The following LTAP1 variants were observed in gnomAD, a reference collection of about 807,000 sequenced individuals.
The protein encoded by LTAP1 is lipid transport auxiliary protein 1, also known as HCV NS5A-transactivated protein 4.
chr1:154,217,893 C>A, the LTAP1 span, among the ~76,000 whole-genome samples: 2 of 152,070 alleles, frequency 1.3e-5, no homozygotes, highest in Non-Finnish European at 2.9e-5. Flanking sequence ...TATTTATCTT[C>A]AGTTTTTCAT....
chr1:154,217,111 T>C, the LTAP1 span, among the ~76,000 whole-genome samples: 3 of 151,644 alleles, frequency 2.0e-5, no homozygotes, highest in Non-Finnish European at 4.4e-5. Context: ...CACGCCCAGC[T>C]AATTTTTTTG....
At chr1:154,213,288 C>G in the LTAP1 span, 6 of 152,628 alleles carry the variant, frequency 3.9e-5, no homozygotes, top group African/African-American at 1.4e-4. Context: ...GCCTGGGCAA[C>G]AGAGCAAGAC....
chr1:154,212,263 G>C, the LTAP1 span: 1 of 1,570,858 alleles, frequency 6.4e-7, no homozygotes, highest in Non-Finnish European at 8.8e-7. Context: ...CTGCACTGTG[G>C]CAACAGTCCA....
At chr1:154,219,718 G>T in the LTAP1 span, 1 of 786,714 alleles carries the variant, frequency 1.3e-6, no homozygotes, top group Non-Finnish European at 2.0e-6. Flanking sequence ...GTAAGTACAA[G>T]GACAAGTGCA....
At chr1:154,207,563 T>C in the LTAP1 span, 6 of 1,614,034 alleles carry the variant, frequency 3.7e-6, no homozygotes, top group South Asian at 3.3e-5. Flanking sequence ...ACCTGGATGG[T>C]TGTTGGGGAG....
the LTAP1 span, among the ~76,000 whole-genome samples, chr1:154,211,148 G>C: frequency 6.7e-6 from 1 of 148,526 alleles, no homozygotes; most frequent in Non-Finnish European, 1.5e-5. Flanking sequence ...GGTATTACAG[G>C]AGCCCGCCAG....
At chr1:154,214,930 C>T in the LTAP1 span, among the ~76,000 whole-genome samples, 6 of 151,722 alleles carry the variant, frequency 4.0e-5, no homozygotes, top group Admixed American at 1.3e-4. Flanking sequence ...CTGCAACCTC[C>T]GCCTCCCAGG....
the LTAP1 span, among the ~76,000 whole-genome samples, chr1:154,208,722 T>C: frequency 6.6e-6 from 1 of 152,154 alleles, no homozygotes; most frequent in Admixed American, 6.6e-5. Flanking sequence ...CTAAACCCAA[T>C]GAACATTCCT....
the LTAP1 span, chr1:154,207,515 TG>T: frequency 6.2e-7 from 1 of 1,614,208 alleles, no homozygotes; most frequent in Non-Finnish European, 8.5e-7. Flanking sequence ...AGGAAGTGCT[TG>T]GCACGTTTAC....
the LTAP1 span, chr1:154,213,877 G>T: frequency 6.2e-7 from 1 of 1,609,322 alleles, no homozygotes; most frequent in Non-Finnish European, 8.5e-7. Context: ...AATGGACCCT[G>T]TCAGGTAGCC....
chr1:154,220,354 G>A, the LTAP1 span: 1 of 1,614,214 alleles, frequency 6.2e-7, no homozygotes, highest in Non-Finnish European at 8.5e-7. Flanking sequence ...GGCTCCCGTA[G>A]GCCATCACCA....
the LTAP1 span, chr1:154,213,232 AG>A: frequency 6.5e-6 from 1 of 152,766 alleles, no homozygotes; most frequent in Non-Finnish European, 1.5e-5. Context: ...GCTTGAACCC[AG>A]GAGGTGGAGG....
the LTAP1 span, chr1:154,207,763 G>T: frequency 1.1e-6 from 1 of 869,964 alleles, no homozygotes; most frequent in Non-Finnish European, 1.8e-6. Context: ...TGTCCTATCT[G>T]TCCTATTTTG....
chr1:154,219,977 G>GT, the LTAP1 span: 3 of 1,413,250 alleles, frequency 2.1e-6, no homozygotes, highest in Admixed American at 2.5e-5. Flanking sequence ...TAAAAAGTCA[G>GT]TTTTGTTTTG....
chr1:154,220,099 TAAG>T, the LTAP1 span: 1 of 732,546 alleles, frequency 1.4e-6, no homozygotes, highest in Non-Finnish European at 2.2e-6. Context: ...GGGGTGGATC[TAAG>T]AAGCCAGCAG....
At chr1:154,214,412 C>T in the LTAP1 span, 2 of 1,267,542 alleles carry the variant, frequency 1.6e-6, no homozygotes, top group Non-Finnish European at 2.3e-6. Flanking sequence ...GAATTCTGGA[C>T]TTGTGGGACT....
At chr1:154,219,973 G>C in the LTAP1 span, 1 of 1,495,654 alleles carries the variant, frequency 6.7e-7, no homozygotes, top group South Asian at 1.2e-5. Flanking sequence ...TTAATAAAAA[G>C]TCAGTTTTGT....
the LTAP1 span, chr1:154,220,262 G>A: frequency 2.0e-6 from 3 of 1,521,582 alleles, no homozygotes; most frequent in East Asian, 6.8e-5. Flanking sequence ...GGTGGAGAAT[G>A]CAGACGGGGT....
the LTAP1 span, among the ~76,000 whole-genome samples, chr1:154,208,816 T>C: frequency 6.6e-6 from 1 of 152,202 alleles, no homozygotes; most frequent in Admixed American, 6.6e-5. Context: ...AGTGGCACAA[T>C]CTTGGCTCAC....
Sources: allele counts gnomAD v4.1 joint callset (sites outside exome capture counted in the v4.1 genomes callset), GRCh38; gene constraint gnomAD v4.1.1; transcripts MANE v1.5; gene names NCBI Gene and HGNC (gene_info 2026-07-23, HGNC 2026-07-21).